Variants in PDE1A observed in about 807,000 individuals in gnomAD.
PDE1A encodes the protein phosphodiesterase 1A.
In PDE1A, 35 loss-of-function variants were observed where a neutral mutation model predicts 61.7. The ratio of observed to expected loss-of-function variants is 0.57; its 90% CI spans 0.43 to 0.75. The LOEUF (loss-of-function observed/expected upper bound fraction) is 0.75. Ranked by LOEUF, PDE1A falls within the 30% of genes least tolerant of loss-of-function variation. The pLI is 0.00. For missense variants in PDE1A, 597 were observed against 630.6 expected (o/e 0.95, Z 0.57); for synonymous variants, 232 against 213.2 (o/e 1.09, Z -0.77).
chr2:182,265,361 A>G (rs1272449405), intron 1 of PDE1A, among the ~76,000 whole-genome samples: 1 of 152,210 alleles, frequency 6.6e-6, no homozygotes, highest in African/African-American at 2.4e-5. Context: ...TATTCACTGT[A>G]TAAAGCAATA....
the PDE1A span, among the ~76,000 whole-genome samples, chr2:182,542,045 T>C: frequency 1.3e-5 from 2 of 152,146 alleles, no homozygotes; most frequent in South Asian, 4.1e-4. Flanking sequence ...GTCAGGAATT[T>C]AGAAACATTT....
At chr2:182,660,287 C>T in the PDE1A span, among the ~76,000 whole-genome samples, 1 of 152,050 alleles carries the variant, frequency 6.6e-6, no homozygotes, top group African/African-American at 2.4e-5. Flanking sequence ...AAGATGATGC[C>T]ATGAAACAAG....
chr2:182,440,789 GT>G (rs11394200), intron 2 of PDE1A, among the ~76,000 whole-genome samples: 3 of 149,870 alleles, frequency 2.0e-5, no homozygotes, highest in East Asian at 2.0e-4. Flanking sequence ...ATTTTCATGG[GT>G]TTTTTTTTGC....
At chr2:182,239,967 C>T in intron 3 of PDE1A, 143 bp downstream of exon 3, 2 of 601,020 alleles carry the variant, frequency 3.3e-6, no homozygotes, top group Non-Finnish European at 5.2e-6. Context: ...ATCATAAAGT[C>T]CCAAATTTGT....
At chr2:182,160,584 G>T (rs1691324989) in intron 13 of PDE1A, among the ~76,000 whole-genome samples, 1 of 152,104 alleles carries the variant, frequency 6.6e-6, no homozygotes, top group Non-Finnish European at 1.5e-5. Context: ...ACCTCCTGGG[G>T]CACTCTAAGG....
At chr2:182,593,202 ACTTGCAGTGT>A in the PDE1A span, among the ~76,000 whole-genome samples, 1 of 152,182 alleles carries the variant, frequency 6.6e-6, no homozygotes, top group South Asian at 2.1e-4. Context: ...TCATTACTGT[ACTTGCAGTGT>A]CATCCCCAAA....
chr2:182,684,905 A>G, the PDE1A span, among the ~76,000 whole-genome samples: 4 of 152,130 alleles, frequency 2.6e-5, no homozygotes, highest in Non-Finnish European at 5.9e-5. Context: ...ATATATACGT[A>G]TATAAATGAC....
chr2:182,643,685 G>A, the PDE1A span, among the ~76,000 whole-genome samples: 31 of 152,144 alleles, frequency 2.0e-4, no homozygotes, highest in Non-Finnish European at 4.4e-5. Flanking sequence ...TCTTCAGGAA[G>A]AGAAAGAAAA....
At chr2:182,213,825 C>T (rs1687897206) in intron 7 of PDE1A, among the ~76,000 whole-genome samples, 2 of 83,512 alleles carry the variant, frequency 2.4e-5, no homozygotes, top group African/African-American at 8.4e-5. Flanking sequence ...GAGAATGGAA[C>T]CAAGTTGGAA....
intron 2 of PDE1A, among the ~76,000 whole-genome samples, chr2:182,256,697 C>T (rs990035516): frequency 1.3e-5 from 2 of 152,184 alleles, no homozygotes; most frequent in African/African-American, 4.8e-5. Flanking sequence ...AGGATGACTT[C>T]TTGACCTAAT....
At chr2:182,323,250 T>G (rs1259750113) in intron 1 of PDE1A, among the ~76,000 whole-genome samples, 4 of 152,188 alleles carry the variant, frequency 2.6e-5, no homozygotes, top group Non-Finnish European at 1.5e-5. Context: ...TGACTAATAA[T>G]TGTGGCTTAT....
chr2:182,381,389 T>C (rs1484805538), intron 1 of PDE1A, among the ~76,000 whole-genome samples: 1 of 152,178 alleles, frequency 6.6e-6, no homozygotes, highest in Non-Finnish European at 1.5e-5. Context: ...TTTAGAATAG[T>C]TGCCAGAGTA....
chr2:182,705,151 A>G, the PDE1A span, among the ~76,000 whole-genome samples: 1 of 152,212 alleles, frequency 6.6e-6, no homozygotes, highest in African/African-American at 2.4e-5. Context: ...TGAAGGGCCA[A>G]ATCTCATGTA....
At chr2:182,676,419 T>C in the PDE1A span, among the ~76,000 whole-genome samples, 6 of 149,998 alleles carry the variant, frequency 4.0e-5, no homozygotes, top group East Asian at 1.2e-3. Flanking sequence ...GAATCAGTAA[T>C]AAATAGCCTA....
chr2:182,554,455 T>C, the PDE1A span, among the ~76,000 whole-genome samples: 2 of 152,284 alleles, frequency 1.3e-5, no homozygotes, highest in Admixed American at 1.3e-4. Context: ...TAAGCTCTCC[T>C]TGCCAAGCCA....
At chr2:182,231,180 TA>T (rs1316498563) in intron 4 of PDE1A, 49 bp from the exon 5 acceptor site, 4 of 921,168 alleles carry the variant, frequency 4.3e-6, no homozygotes, top group Non-Finnish European at 6.9e-6. Flanking sequence ...ATACTGTTTC[TA>T]CGAGAATTTA....
chr2:182,311,598 C>A (rs1387718970), intron 1 of PDE1A, among the ~76,000 whole-genome samples: 1 of 152,156 alleles, frequency 6.6e-6, no homozygotes, highest in Non-Finnish European at 1.5e-5. Context: ...TGACTGGCTT[C>A]TTTCCCTGAG....
chr2:182,158,549 C>G (rs1000509200), intron 13 of PDE1A, among the ~76,000 whole-genome samples: 2 of 152,142 alleles, frequency 1.3e-5, no homozygotes, highest in African/African-American at 4.8e-5. Flanking sequence ...AACACAGGAG[C>G]CTTCTGAATG....
chr2:182,462,061 G>A (rs920582322), intron 2 of PDE1A, among the ~76,000 whole-genome samples: 2 of 151,608 alleles, frequency 1.3e-5, no homozygotes, highest in South Asian at 2.1e-4. Flanking sequence ...GCAAACTATC[G>A]CAAGAATAAA....
Sources: gnomAD v4.1 joint callset for allele counts (sites outside exome capture counted in the v4.1 genomes callset) on GRCh38, gnomAD v4.1.1 for gene constraint, MANE v1.5 for transcripts, NCBI Gene and HGNC (gene_info 2026-07-23, HGNC 2026-07-21) for gene names.